Variants in IDH1 observed in about 807,000 individuals in gnomAD.
IDH1 encodes isocitrate dehydrogenase (NADP(+)) 1.
Under a neutral mutation model 46.1 loss-of-function variants are expected in IDH1, and 33 were observed. The observed-to-expected ratio is 0.72, with a 90% confidence interval of 0.54 to 0.96. The LOEUF is 0.96. IDH1 is among the 40% of genes least tolerant of loss of function. The pLI is 0.00. For missense variants in IDH1, 421 were observed against 515.7 expected (o/e 0.82, Z 1.78); for synonymous variants, 144 against 172.8 (o/e 0.83, Z 1.31).
rs545271698 is a variant in IDH1 at position 208,240,986 on chromosome 2, G to A, written c.851-983C>T. ...AGAGACAGAAAAAGTAGTACTTCTTGGGAAAAACAAACATAATTAAAGTTA... is the reference window on the plus strand; with the variant it reads ...AGAGACAGAAAAAGTAGTACTTCTTAGGAAAAACAAACATAATTAAAGTTA... On this transcript the variant is annotated intron_variant, in intron 7 of 9. Coordinates refer to ENST00000345146, the MANE Select transcript of IDH1 (RefSeq NM_005896.4). 3.3e-5 allele frequency among the ~76,000 whole-genome samples: 5 copies of A among 152,258 alleles called. No individual in the cohort carries two copies. In the South Asian group the frequency reaches 6.2e-4, roughly 19 times the overall value.
chr2:208,242,082 C>G lies in IDH1; in HGVS notation c.762G>C (p.Met254Ile). The G allele has an allele frequency of 1.2e-6, 2 of 1,613,724 alleles. No individual in the cohort carries two copies. Among genetic ancestry groups the G allele is most frequent in the Non-Finnish European group, 1.7e-6 (2 of 1,179,862 alleles). Residue 254 changes from methionine (M) to isoleucine (I), a missense_variant, in exon 7 of 10, where the codon ATG becomes ATC. Physicochemically the swap from Met to Ile is conservative, Grantham distance 10. Transcript: ENST00000345146. ...CCTCTGATTTCATAGCTTGGGCCACCATGTCGTCGATGAGCCTATGCTCAT... is the reference window on the plus strand; with the variant it reads ...CCTCTGATTTCATAGCTTGGGCCACGATGTCGTCGATGAGCCTATGCTCAT... The part of the protein sequence containing the change: ...IWYEHRLIDD[M>I]VAQAMKSEGG...
intron 3 of IDH1, among the ~76,000 whole-genome samples, chr2:208,250,342 T>C (rs979724107): frequency 1.3e-5 from 2 of 151,654 alleles, no homozygotes; most frequent in African/African-American, 4.8e-5. Flanking sequence ...TTATGCCTAA[T>C]TTCTTATGTT....
In IDH1 at chr2:208,248,485, G is replaced by A. The variant is rs777129475; in HGVS notation, c.298C>T (p.Arg100Ter). Residue 100 changes from arginine (R) to a stop codon, truncating the protein, a stop_gained, in exon 4 of 10, where the codon CGA becomes TGA. Transcript: ENST00000345146. LOFTEE classifies it high-confidence loss of function. Reference sequence around the variant, plus strand: ...AAGACCGTGCCACCCAGAATATTTCGTATGGTGCCATTTGGTGATTTCCAC... The same window carrying A: ...AAGACCGTGCCACCCAGAATATTTCATATGGTGCCATTTGGTGATTTCCAC... The part of the protein sequence containing the change: ...QMWKSPNGTI[R>*]NILGGTVFRE... The A allele has an allele frequency of 2.5e-5, 41 of 1,613,942 alleles. No homozygotes were observed. The highest frequency in any genetic ancestry group is 3.2e-5 in the Non-Finnish European group (38 of 1,179,988).
chr2:208,242,693 G>A (rs191762013), intron 6 of IDH1, among the ~76,000 whole-genome samples: 33 of 151,928 alleles, frequency 2.2e-4, no homozygotes, highest in African/African-American at 7.7e-4. Context: ...GGAAGCCAGT[G>A]TTGTTATAAA....
At position 208,245,413 on chromosome 2, in the gene IDH1, A is replaced by C. The variant is rs1687997550; in HGVS notation, c.426T>G (p.Thr142=). Residue 142 remains threonine, a synonymous_variant, in exon 5 of 10, where the codon ACT becomes ACG. Transcript: ENST00000345146. Reference sequence around the variant, plus strand: ...TTCCAGGCCCAGGAACAACAAAATCAGTTGCTCTGTACTGTGTAGAGGGGA... The same window carrying C: ...TTCCAGGCCCAGGAACAACAAAATCCGTTGCTCTGTACTGTGTAGAGGGGA... The part of the protein sequence containing the change: ...RHAYGDQYRA[T]DFVVPGPGKV... 1 of 1,605,486 alleles carries C rather than the reference A, an allele frequency of 6.2e-7. No homozygotes were observed. The highest frequency in any genetic ancestry group is 8.5e-7 in the Non-Finnish European group (1 of 1,172,428).
At chr2:208,242,418 CTACTT>C (rs1463633159) in intron 6 of IDH1, among the ~76,000 whole-genome samples, 2 of 152,200 alleles carry the variant, frequency 1.3e-5, no homozygotes, top group Non-Finnish European at 2.9e-5. Context: ...ATCCCAATGA[CTACTT>C]CACTTTTCAG....
intron 7 of IDH1, chr2:208,240,281 C>G (rs922906860): frequency 2.2e-6 from 1 of 459,538 alleles, no homozygotes; most frequent in Admixed American, 3.3e-5. Context: ...ACATTCCACT[C>G]TAGTTCTATG....
chr2:208,240,401 T>G (rs1183078695), intron 7 of IDH1: 3 of 162,908 alleles, frequency 1.8e-5, no homozygotes, highest in Admixed American at 1.8e-4. Context: ...TATTCATAAA[T>G]ATATATGAAT....
Position 208,236,704 on chromosome 2 carries a change from A to C in IDH1, c.*375T>G. 3.3e-6 allele frequency: 1 copy of C among 299,918 alleles called. No individual in the cohort carries two copies. The highest frequency in any genetic ancestry group is 6.3e-6 in the Non-Finnish European group (1 of 158,774). The allele number at this position is 299,918 out of a possible 1,614,324, so 18.6% of individuals were successfully genotyped here. A position where few individuals can be genotyped will look rare whatever the true frequency, so the allele number is the denominator to read the frequency against. On this transcript the variant is annotated 3_prime_UTR_variant, in exon 10 of 10. Transcript: ENST00000345146. ...CATGGACAGGAGGGGAAGGCAGTGA[A>C]TTTCTACTTTATGCATATTTTAGGG...
At chr2:208,239,412 T>TA (rs1437698876) in intron 8 of IDH1, among the ~76,000 whole-genome samples, 179 bp from the exon 9 acceptor site, 17 of 152,176 alleles carry the variant, frequency 1.1e-4, no homozygotes, top group Non-Finnish European at 2.4e-4. Context: ...ACAGAAACTT[T>TA]AAAAAAACAC....
intron 3 of IDH1, among the ~76,000 whole-genome samples, chr2:208,250,535 T>G (rs1194005690): frequency 1.3e-5 from 2 of 152,206 alleles, no homozygotes; most frequent in Non-Finnish European, 1.5e-5. Flanking sequence ...CACTTAGAGT[T>G]GCCAATAGTT....
chr2:208,254,561 G>A, intron 1 of IDH1: 1 of 152,478 alleles, frequency 6.6e-6, no homozygotes, highest in East Asian at 1.9e-4. Flanking sequence ...GCCCCCAGCT[G>A]CTGCACGTTT....
At position 208,239,135 on chromosome 2, in the gene IDH1, T is replaced by C. The variant is rs372711897; in HGVS notation, c.1090A>G (p.Ile364Val). Reference sequence around the variant, plus strand: ...ATGAAGCCAGCCTCAATTGTCTCAATAGAGACTTCTTCCAAAGCATTTGCA... The same window carrying C: ...ATGAAGCCAGCCTCAATTGTCTCAACAGAGACTTCTTCCAAAGCATTTGCA... ...FFANALEEVS[I>V]ETIEAGFMTK... Residue 364 changes from isoleucine (I) to valine (V), a missense_variant, in exon 9 of 10, where the codon ATT (isoleucine) becomes GTT (valine). Transcript: ENST00000345146. 46 of 1,613,946 alleles carry C rather than the reference T, an allele frequency of 2.9e-5. No individual in the cohort carries two copies. The highest frequency in any genetic ancestry group is 3.6e-5 in the Non-Finnish European group (42 of 1,179,936).
Position 208,250,534 on chromosome 2 carries a change from T to C in IDH1, c.122+896A>G, listed in dbSNP as rs140594787. Among the ~76,000 whole-genome samples the C allele has an allele frequency of 2.6e-3, 400 of 152,252 alleles. 1 individual carries two copies. Among genetic ancestry groups the C allele is most frequent in the African/African-American group, 8.7e-3 (363 of 41,548 alleles). On this transcript the variant is annotated intron_variant, in intron 3 of 9. Coordinates refer to ENST00000345146, the MANE Select transcript of IDH1 (RefSeq NM_005896.4). The stretch of plus-strand genomic sequence containing the variant: ...TGGGCTGAGGCAAACACACTTAGAG[T>C]TGCCAATAGTTTGGCTGAAACGTGT...
intron 3 of IDH1, among the ~76,000 whole-genome samples, chr2:208,250,234 A>T (rs1259959389): frequency 6.6e-6 from 1 of 152,042 alleles, no homozygotes; most frequent in African/African-American, 2.4e-5. Flanking sequence ...CAGCCATTAT[A>T]AGGAAAAGAA....
intron 2 of IDH1, among the ~76,000 whole-genome samples, chr2:208,253,513 A>T (rs1688159996): frequency 6.6e-6 from 1 of 152,220 alleles, no homozygotes; most frequent in Non-Finnish European, 1.5e-5. Context: ...ACCAGCAGGC[A>T]CCAGCTCATA....
At chr2:208,247,789 C>G (rs1471610723) in intron 4 of IDH1, 1 of 157,992 alleles carries the variant, frequency 6.3e-6, no homozygotes, top group Non-Finnish European at 1.4e-5. Flanking sequence ...AGGTGTGAAC[C>G]ATAGTACCCA....
In IDH1 at chr2:208,242,012, A is replaced by G. The variant is rs201822210; in HGVS notation, c.832T>C (p.Ser278Pro). 5 of 1,612,228 alleles carry G rather than the reference A, an allele frequency of 3.1e-6. No individual in the cohort carries two copies. The highest frequency in any genetic ancestry group is 2.7e-5 in the African/African-American group (2 of 74,836). ...ACKNYDGDVQ[S>P]DSVAQGYGSL... Reference sequence around the variant, plus strand: ...TCTGTACCTTGGGCCACAGAGTCCGACTGCACGTCACCATCATAGTTTTTA... The same window carrying G: ...TCTGTACCTTGGGCCACAGAGTCCGGCTGCACGTCACCATCATAGTTTTTA... The change falls in exon 7 of 10, where the codon TCG (serine) becomes CCG (proline). Residue 278 changes from serine (S) to proline (P), a missense_variant. Coordinates refer to ENST00000345146, the MANE Select transcript of IDH1 (RefSeq NM_005896.4).
Position 208,245,337 on chromosome 2 carries a change from G to T in IDH1, c.502C>A (p.Leu168Met). Residue 168 changes from leucine (L) to methionine (M), a missense_variant, in exon 5 of 10, where the codon CTG becomes ATG. Leu to Met is a conservative substitution (Grantham distance 15). Transcript: ENST00000345146. ...PSDGTQKVTY[L>M]VHNFEEGGGV... ...TACATACCTTCAAAGTTATGTACCA[G>T]GTATGTCACCTTTTGGGTTCCGTCA... 1 of 1,592,106 alleles carries T rather than the reference G, an allele frequency of 6.3e-7. No homozygotes were observed. Among genetic ancestry groups the T allele is most frequent in the Non-Finnish European group, 8.6e-7 (1 of 1,161,172 alleles).
Sources: gnomAD v4.1 joint callset for allele counts (sites outside exome capture counted in the v4.1 genomes callset) on GRCh38, gnomAD v4.1.1 for gene constraint, MANE v1.5 for transcripts, NCBI Gene and HGNC (gene_info 2026-07-23, HGNC 2026-07-21) for gene names.